SRFBP1: variants seen among roughly 807,000 people sequenced by gnomAD.
SRFBP1 encodes the protein serum response factor-binding protein 1.
In SRFBP1, 47 loss-of-function variants were observed where a neutral mutation model predicts 45.5. The observed-to-expected ratio is 1.03, with a 90% confidence interval of 0.82 to 1.32. The LOEUF is 1.32. Ranked by LOEUF, SRFBP1 falls within the 40% of genes most tolerant of loss-of-function variation. The pLI, the probability that SRFBP1 is intolerant of heterozygous loss-of-function variation, is 0.00. For missense variants in SRFBP1, 621 were observed against 484.6 expected, an observed-to-expected ratio of 1.28 and a Z score of -2.64; for synonymous variants, 203 against 166.3, an observed-to-expected ratio of 1.22 and a Z score of -1.70.
chr5:122,027,343 C>T lies in SRFBP1; in HGVS notation c.*217C>T, dbSNP rs1305770911. On this transcript the variant is annotated 3_prime_UTR_variant, in exon 8 of 8. Coordinates refer to ENST00000339397, the MANE Select transcript of SRFBP1 (RefSeq NM_152546.3). ...ATGCCCAGCTTTCTCACCCCAGGCTCTGCAGCTATTACTTAAACTCGTATT... is the reference window on the plus strand; with the variant it reads ...ATGCCCAGCTTTCTCACCCCAGGCTTTGCAGCTATTACTTAAACTCGTATT... 1 of 338,978 alleles carries T rather than the reference C, an allele frequency of 3.0e-6. No individual in the cohort carries two copies. The highest frequency in any genetic ancestry group is 2.1e-5 in the African/African-American group (1 of 47,224). 21.0% of individuals were successfully genotyped at this position (338,978 alleles called of 1,614,324 possible).
At chr5:122,053,804 G>T (rs1016045075) in intron 2 of SRFBP1, among the ~76,000 whole-genome samples, 2 of 152,126 alleles carry the variant, frequency 1.3e-5, no homozygotes, top group African/African-American at 4.8e-5. Flanking sequence ...AGCAAGCATT[G>T]TCCTCCTGGC....
intron 4 of SRFBP1, among the ~76,000 whole-genome samples, chr5:121,998,427 A>G (rs1251282158): frequency 1.4e-5 from 2 of 143,614 alleles, no homozygotes; most frequent in Non-Finnish European, 3.0e-5. Context: ...AAAAAACCAA[A>G]CACCGCATAT....
chr5:122,070,006 A>G (rs1164405539), intron 2 of SRFBP1: 1 of 1,380,322 alleles, frequency 7.2e-7, no homozygotes, highest in South Asian at 1.2e-5. Context: ...GGCATGAACA[A>G]AAATTATTTG....
rs562971808 is a variant in SRFBP1, at chr5:121,992,545, A to G, written c.199-2054A>G. Among the ~76,000 whole-genome samples, 18 of 152,198 alleles carry G rather than the reference A, an allele frequency of 1.2e-4. No homozygotes were observed. In the South Asian group the frequency reaches 3.7e-3, roughly 32 times the overall value. On this transcript the variant is annotated intron_variant, in intron 3 of 7. Coordinates refer to ENST00000339397, the MANE Select transcript of SRFBP1 (RefSeq NM_152546.3). ...AATTCTTAACTTAATTACATCAGCAAAGTCCCTTCTGCCATGTAAAATAAC... is the reference window on the plus strand; with the variant it reads ...AATTCTTAACTTAATTACATCAGCAGAGTCCCTTCTGCCATGTAAAATAAC...
downstream of SRFBP1, among the ~76,000 whole-genome samples, chr5:122,030,749 A>G (rs1159814402): frequency 1.3e-5 from 2 of 152,126 alleles, no homozygotes; most frequent in African/African-American, 2.4e-5. Context: ...GGGAATTTCT[A>G]TTGCTTTTTT....
At chr5:122,011,320 T>G (rs1257024714) in intron 4 of SRFBP1, among the ~76,000 whole-genome samples, 1 of 152,114 alleles carries the variant, frequency 6.6e-6, no homozygotes, top group Non-Finnish European at 1.5e-5. Context: ...TTTATTTAAT[T>G]TATTTGAAAT....
intron 3 of SRFBP1, among the ~76,000 whole-genome samples, chr5:121,976,339 G>T (rs1201783624): frequency 2.0e-5 from 3 of 151,488 alleles, no homozygotes; most frequent in Non-Finnish European, 4.4e-5. Flanking sequence ...GAATCCATCT[G>T]ATATAACTTT....
intron 5 of SRFBP1, among the ~76,000 whole-genome samples, chr5:122,019,630 A>C (rs2112706446): frequency 6.6e-6 from 1 of 151,058 alleles, no homozygotes; most frequent in Middle Eastern, 3.5e-3. Flanking sequence ...ATATTGACAT[A>C]ACTCATTAGT....
intron 3 of SRFBP1, among the ~76,000 whole-genome samples, chr5:121,981,839 G>A (rs1263638476): frequency 6.6e-6 from 1 of 151,850 alleles, no homozygotes; most frequent in African/African-American, 2.4e-5. Context: ...TGCCATTCCT[G>A]CTGCTTAGTC....
At chr5:122,068,291 G>C (rs1290293695) in intron 2 of SRFBP1, among the ~76,000 whole-genome samples, 1 of 151,280 alleles carries the variant, frequency 6.6e-6, no homozygotes, top group African/African-American at 2.4e-5. Context: ...TAAATATCTA[G>C]CAATACCCAA....
chr5:122,056,888 A>G (rs539513376), intron 2 of SRFBP1, among the ~76,000 whole-genome samples: 1 of 152,198 alleles, frequency 6.6e-6, no homozygotes, highest in African/African-American at 2.4e-5. Context: ...TGTCTAGAAT[A>G]GCCAGAGGAA....
intron 7 of SRFBP1, among the ~76,000 whole-genome samples, chr5:122,026,540 T>G (rs1323286741): frequency 3.9e-5 from 6 of 152,196 alleles, no homozygotes; most frequent in Non-Finnish European, 5.9e-5. Flanking sequence ...AGCTAAGATG[T>G]GAATTTTCTG....
In SRFBP1 at chr5:122,020,525, A is replaced by T; in HGVS notation, c.790A>T (p.Ser264Cys). 1 of 1,614,184 alleles carries T rather than the reference A, an allele frequency of 6.2e-7. No homozygotes were observed. The highest frequency in any genetic ancestry group is 8.5e-7 in the Non-Finnish European group (1 of 1,179,998). ...AGAGGAGAAGGAATATTTTGATGATAGCACAGAAGAAAGGTTTTACAAGCA... is the reference window on the plus strand; with the variant it reads ...AGAGGAGAAGGAATATTTTGATGATTGCACAGAAGAAAGGTTTTACAAGCA... The part of the protein sequence containing the change: ...CEEEKEYFDD[S>C]TEERFYKQSS... Residue 264 changes from serine (S) to cysteine (C), a missense_variant, in exon 6 of 8, where the codon AGC (serine) becomes TGC (cysteine). Coordinates refer to ENST00000339397, the MANE Select transcript of SRFBP1 (RefSeq NM_152546.3).
At chr5:121,992,212 G>A (rs973874267) in intron 3 of SRFBP1, among the ~76,000 whole-genome samples, 1 of 152,068 alleles carries the variant, frequency 6.6e-6, no homozygotes, top group Non-Finnish European at 1.5e-5. Flanking sequence ...TATTCTCTCT[G>A]TAGGCTCTAG....
At chr5:121,981,540 A>G (rs1008347531) in intron 3 of SRFBP1, among the ~76,000 whole-genome samples, 1 of 145,402 alleles carries the variant, frequency 6.9e-6, no homozygotes, top group Admixed American at 6.9e-5. Flanking sequence ...TGTATCTTCC[A>G]CTTACCCTGT....
intron 6 of SRFBP1, 67 bp from the exon 7 acceptor site, chr5:122,022,303 T>C: frequency 1.2e-5 from 16 of 1,371,610 alleles, no homozygotes; most frequent in Non-Finnish European, 1.5e-5. Flanking sequence ...TCAATTTTGT[T>C]ATGTTTTTTT....
chr5:122,006,670 G>T (rs1265116081), intron 4 of SRFBP1, among the ~76,000 whole-genome samples: 1 of 151,796 alleles, frequency 6.6e-6, no homozygotes, highest in Non-Finnish European at 1.5e-5. Flanking sequence ...TGTTTGATCA[G>T]TTCTGCTGTT....
At chr5:122,024,169 C>G (rs1352437513) in intron 7 of SRFBP1, among the ~76,000 whole-genome samples, 1 of 152,202 alleles carries the variant, frequency 6.6e-6, no homozygotes, top group African/African-American at 2.4e-5. Flanking sequence ...CAGTAATACG[C>G]TGATCTTTTT....
At chr5:121,988,892 A>T (rs1752569952) in intron 3 of SRFBP1, among the ~76,000 whole-genome samples, 1 of 152,208 alleles carries the variant, frequency 6.6e-6, no homozygotes, top group Non-Finnish European at 1.5e-5. Context: ...TAAGTTCATA[A>T]TGTATAACTT....
Sources: allele counts gnomAD v4.1 joint callset (sites outside exome capture counted in the v4.1 genomes callset), GRCh38; gene constraint gnomAD v4.1.1; transcripts MANE v1.5; gene names NCBI Gene and HGNC (gene_info 2026-07-23, HGNC 2026-07-21).